Variants in FGF13 observed in about 807,000 individuals in gnomAD.
FGF13 encodes the protein fibroblast growth factor homologous factor 2.
Under a neutral mutation model 19.5 loss-of-function variants are expected in FGF13, and 2 were observed. The observed-to-expected ratio is 0.10, with a 90% CI of 0.04 to 0.32. FGF13 has a LOEUF of 0.32. FGF13 is among the 10% of genes least tolerant of loss of function. FGF13 has a pLI of 1.00. For synonymous variants in FGF13, 72 were observed against 76.9 expected (o/e 0.94, Z 0.33); for missense variants, 113 against 192.7 (o/e 0.59, Z 2.45).
chrX:138,847,610 G>A (rs2091191836), intron 3 of FGF13, among the ~76,000 whole-genome samples: 1 of 111,678 alleles, frequency 9.0e-6, no homozygotes, highest in Non-Finnish European at 1.9e-5. Flanking sequence ...CTTGTTTAAC[G>A]CTTTCACAGT....
chrX:139,155,030 C>A (rs5974798), intron 1 of FGF13, among the ~76,000 whole-genome samples: 13,171 of 111,244 alleles, frequency 0.12, 1,292 homozygotes, highest in African/African-American at 0.33. Context: ...TACATACATA[C>A]AAAGCTTGTA....
chrX:138,721,892 C>T (rs1470036008), intron 1 of FGF13, among the ~76,000 whole-genome samples: 8 of 109,931 alleles, frequency 7.3e-5, no homozygotes, highest in African/African-American at 2.6e-4. Flanking sequence ...TTTTTCATAA[C>T]GTTCTGATCA....
At chrX:138,923,050 G>A (rs1156377201) in intron 1 of FGF13, among the ~76,000 whole-genome samples, 3 of 112,312 alleles carry the variant, frequency 2.7e-5, no homozygotes, top group African/African-American at 6.5e-5. Context: ...GAATAAACAC[G>A]ATTTCAAGGT....
intron 3 of FGF13, among the ~76,000 whole-genome samples, chrX:138,821,890 C>T (rs1273003172): frequency 9.0e-6 from 1 of 111,445 alleles, no homozygotes; most frequent in Admixed American, 9.6e-5. Flanking sequence ...TCAAATTATT[C>T]TCCCATAGCC....
rs182777431 is a variant in FGF13 at position 139,022,411 on chromosome X, T to C, written c.-112-157761A>G. Among the ~76,000 whole-genome samples, 67 of 111,990 alleles carry C rather than the reference T, an allele frequency of 6.0e-4. 1 individual carries two copies. Among genetic ancestry groups the C allele is most frequent in the African/African-American group, 2.0e-3 (62 of 30,924 alleles). On this transcript the variant is annotated intron_variant, in intron 1 of 2. Coordinates refer to the FGF13 transcript ENST00000421460. Reference sequence around the variant, plus strand: ...ATACACAGGGCATTGTAAAAATAATTTTCCTACATTTATTTAAAGTTAAAA... The same window carrying C: ...ATACACAGGGCATTGTAAAAATAATCTTCCTACATTTATTTAAAGTTAAAA...
intron 1 of FGF13, among the ~76,000 whole-genome samples, chrX:138,965,007 G>T (rs998369518): frequency 8.9e-6 from 1 of 111,811 alleles, no homozygotes; most frequent in Non-Finnish European, 1.9e-5. Context: ...GCTTGGAATG[G>T]GCATAAACTT....
intron 1 of FGF13, among the ~76,000 whole-genome samples, chrX:139,115,222 C>T (rs2083631047): frequency 8.9e-6 from 1 of 111,956 alleles, no homozygotes; most frequent in South Asian, 3.7e-4. Flanking sequence ...TCTTTATATC[C>T]TTCCAGTCTG....
chrX:138,937,883 G>A (rs768093762), intron 1 of FGF13, among the ~76,000 whole-genome samples: 2 of 111,805 alleles, frequency 1.8e-5, no homozygotes, highest in African/African-American at 3.2e-5. Flanking sequence ...AAATATAGAC[G>A]TCAACTGCAT....
intron 3 of FGF13, among the ~76,000 whole-genome samples, chrX:138,823,705 A>T (rs967344162): frequency 9.0e-6 from 1 of 111,729 alleles, no homozygotes; most frequent in Non-Finnish European, 1.9e-5. Context: ...TAACACCATG[A>T]CTGCAATTGT....
intron 1 of FGF13, among the ~76,000 whole-genome samples, chrX:139,136,280 G>A (rs1207750189): frequency 9.0e-6 from 1 of 111,299 alleles, no homozygotes; most frequent in Non-Finnish European, 1.9e-5. Context: ...GGTGAATTCT[G>A]AGATATTAGT....
At chrX:138,984,521 G>C (rs1180020421) in intron 1 of FGF13, among the ~76,000 whole-genome samples, 8 of 22,808 alleles carry the variant, frequency 3.5e-4, no homozygotes, top group South Asian at 5.7e-3. Flanking sequence ...GGAAGAAGAA[G>C]AGGAAGAAGA....
intron 3 of FGF13, among the ~76,000 whole-genome samples, chrX:138,771,717 A>G (rs2090546338): frequency 9.1e-6 from 1 of 110,183 alleles, no homozygotes; most frequent in Admixed American, 9.8e-5. Flanking sequence ...TACAGTCATG[A>G]TTCTGGAAGA....
intron 1 of FGF13, among the ~76,000 whole-genome samples, chrX:139,131,189 T>C (rs375197463): frequency 1.5e-3 from 163 of 111,677 alleles, no homozygotes; most frequent in African/African-American, 4.5e-3. Context: ...TTTATTCTGG[T>C]AGAAAGTATA....
chrX:138,927,608 G>A (rs1251674542), intron 1 of FGF13, among the ~76,000 whole-genome samples: 9 of 112,122 alleles, frequency 8.0e-5, no homozygotes, highest in Non-Finnish European at 1.7e-4. Flanking sequence ...AAAAAAACAT[G>A]TCTTCGTAAT....
chrX:138,682,742 C>T (rs962485389), intron 3 of FGF13, among the ~76,000 whole-genome samples: 14 of 111,654 alleles, frequency 1.3e-4, no homozygotes, highest in East Asian at 5.6e-4. Flanking sequence ...TTTACCCCCC[C>T]GAAAGTACCT....
At chrX:139,012,259 A>C (rs774463803) in intron 1 of FGF13, among the ~76,000 whole-genome samples, 1 of 111,828 alleles carries the variant, frequency 8.9e-6, no homozygotes, top group African/African-American at 3.2e-5. Flanking sequence ...TGTTTAAATG[A>C]CCATACCACC....
intron 3 of FGF13, among the ~76,000 whole-genome samples, chrX:138,817,506 T>C (rs2090969287): frequency 8.9e-6 from 1 of 112,265 alleles, no homozygotes; most frequent in Non-Finnish European, 1.9e-5. Context: ...CTAAACTTTA[T>C]ATAATTTTGC....
chrX:138,975,430 A>C (rs1209781407), intron 1 of FGF13, among the ~76,000 whole-genome samples: 1 of 112,134 alleles, frequency 8.9e-6, no homozygotes, highest in Admixed American at 9.5e-5. Flanking sequence ...GTAAAGAAGA[A>C]AGGCCTTAAT....
At chrX:139,201,632 T>C (rs2084416040) in intron 1 of FGF13, among the ~76,000 whole-genome samples, 1 of 112,283 alleles carries the variant, frequency 8.9e-6, no homozygotes, top group African/African-American at 3.2e-5. Flanking sequence ...ATGACCTATA[T>C]ATAGGAAATT....
Sources: gnomAD v4.1 joint callset for allele counts (sites outside exome capture counted in the v4.1 genomes callset) on GRCh38, gnomAD v4.1.1 for gene constraint, MANE v1.5 for transcripts, NCBI Gene and HGNC (gene_info 2026-07-23, HGNC 2026-07-21) for gene names.